Variants in CDH9 observed in about 807,000 individuals in gnomAD.
CDH9 encodes the protein cadherin 9, also known as cadherin-9.
In CDH9, 28 loss-of-function variants were observed where a neutral mutation model predicts 70.9. The observed-to-expected ratio is 0.40, with a 90% confidence interval of 0.29 to 0.54. The LOEUF is 0.54. CDH9 is among the 20% of genes least tolerant of loss of function. The pLI is 0.59. For synonymous variants in CDH9, 409 were observed against 343.1 expected (o/e 1.19, Z -2.12); for missense variants, 874 against 984.4 (o/e 0.89, Z 1.50).
At chr5:26,929,854 A>G (rs2112022426) in intron 2 of CDH9, among the ~76,000 whole-genome samples, 1 of 152,126 alleles carries the variant, frequency 6.6e-6, no homozygotes, top group East Asian at 1.9e-4. Flanking sequence ...GAAGTTTAGT[A>G]TCGAATGGGG....
intron 4 of CDH9, among the ~76,000 whole-genome samples, chr5:26,906,484 G>C (rs1312045442): frequency 6.6e-6 from 1 of 151,954 alleles, no homozygotes; most frequent in Non-Finnish European, 1.5e-5. Flanking sequence ...GTGAAATTTT[G>C]TATTTAGTGT....
chr5:26,970,630 A>G (rs1256141618), intron 2 of CDH9, among the ~76,000 whole-genome samples: 1 of 152,114 alleles, frequency 6.6e-6, no homozygotes, highest in African/African-American at 2.4e-5. Flanking sequence ...CAACAACTCC[A>G]AAGAAGTTTG....
chr5:27,028,967 A>T (rs906955309), intron 1 of CDH9, among the ~76,000 whole-genome samples: 1 of 151,990 alleles, frequency 6.6e-6, no homozygotes, highest in Admixed American at 6.6e-5. Flanking sequence ...CAACTAAAAG[A>T]TTACTTAAAT....
At chr5:27,029,929 A>G (rs1008269827) in intron 1 of CDH9, among the ~76,000 whole-genome samples, 1 of 151,990 alleles carries the variant, frequency 6.6e-6, no homozygotes, top group Non-Finnish European at 1.5e-5. Flanking sequence ...AAAGTTAGAT[A>G]CGTCAATTAT....
chr5:26,969,530 A>T (rs1742182455), intron 2 of CDH9, among the ~76,000 whole-genome samples: 1 of 152,144 alleles, frequency 6.6e-6, no homozygotes. Flanking sequence ...TCATGGAAAT[A>T]AGGCAAAATT....
In CDH9 at chr5:26,916,742, T is replaced by TTCAGAGAGACTAA. The variant is rs548490660; in HGVS notation, c.229-831_229-819dup. Among the ~76,000 whole-genome samples the TTCAGAGAGACTAA allele has an allele frequency of 2.8e-4, 43 of 150,932 alleles. No homozygotes were observed. The East Asian group carries it at 8.4e-3, about 29-fold the overall frequency. On this transcript the variant is annotated intron_variant, in intron 2 of 11. Coordinates refer to ENST00000231021, the MANE Select transcript of CDH9 (RefSeq NM_016279.4). Reference sequence around the variant, plus strand: ...TGATTGTAGATTCACGGGCTCTGTATTCAGAGAGACTAATCAGAGAGAGAA... The same window carrying TTCAGAGAGACTAA: ...TGATTGTAGATTCACGGGCTCTGTATTCAGAGAGACTAATCAGAGAGACTAATCAGAGAGAGAA...
chr5:26,990,176 T>C (rs1482276174), intron 1 of CDH9, among the ~76,000 whole-genome samples: 1 of 152,170 alleles, frequency 6.6e-6, no homozygotes, highest in African/African-American at 2.4e-5. Flanking sequence ...ATTGTCATCA[T>C]CAAGCATCGT....
chr5:26,944,007 A>G (rs1741705461), intron 2 of CDH9, among the ~76,000 whole-genome samples: 2 of 152,280 alleles, frequency 1.3e-5, no homozygotes, highest in South Asian at 2.1e-4. Flanking sequence ...CTAATTCACA[A>G]CAATTGCATT....
chr5:26,919,090 G>A (rs926495100), intron 2 of CDH9, among the ~76,000 whole-genome samples: 1 of 152,122 alleles, frequency 6.6e-6, no homozygotes, highest in African/African-American at 2.4e-5. Context: ...CCACAAAAAA[G>A]CTTTCATATG....
intron 2 of CDH9, among the ~76,000 whole-genome samples, chr5:26,981,155 C>A (rs984196581): frequency 2.0e-5 from 3 of 152,028 alleles, no homozygotes; most frequent in Non-Finnish European, 2.9e-5. Flanking sequence ...TTTGAGAATT[C>A]TCCCTCCAGT....
intron 1 of CDH9, among the ~76,000 whole-genome samples, chr5:27,007,335 A>G (rs1221364356): frequency 6.6e-6 from 1 of 152,064 alleles, no homozygotes; most frequent in Non-Finnish European, 1.5e-5. Context: ...GGAGGGGAGG[A>G]TGGCAATGGG....
At chr5:26,918,184 C>A (rs1456076722) in intron 2 of CDH9, among the ~76,000 whole-genome samples, 3 of 152,260 alleles carry the variant, frequency 2.0e-5, no homozygotes, top group Middle Eastern at 6.8e-3. Flanking sequence ...CCTGTTCTAG[C>A]TTTCAAGCCT....
At position 26,997,474 on chromosome 5, in the gene CDH9, A is replaced by G. The variant is rs545564198; in HGVS notation, c.-49-9092T>C. 4.6e-5 allele frequency among the ~76,000 whole-genome samples: 7 copies of G among 152,316 alleles called. No individual in the cohort carries two copies. The South Asian group carries it at 1.4e-3, about 32-fold the overall frequency. On this transcript the variant is annotated intron_variant, in intron 1 of 11. Coordinates refer to ENST00000231021, the MANE Select transcript of CDH9 (RefSeq NM_016279.4). ...TATTGAACTAATGCAGCTTTAGAATAAAACAACACAAAGAAAAAAACAGAA... is the reference window on the plus strand; with the variant it reads ...TATTGAACTAATGCAGCTTTAGAATGAAACAACACAAAGAAAAAAACAGAA...
intron 1 of CDH9, among the ~76,000 whole-genome samples, chr5:27,002,769 G>A (rs1328335102): frequency 3.3e-5 from 5 of 151,840 alleles, no homozygotes; most frequent in East Asian, 1.9e-4. Context: ...AGGGCCTGTC[G>A]TGGGGTTGGG....
Position 26,995,758 on chromosome 5 carries a change from C to G in CDH9, c.-49-7376G>C, listed in dbSNP as rs558203397. 2.0e-5 allele frequency among the ~76,000 whole-genome samples: 3 copies of G among 151,892 alleles called. No homozygotes were observed. The South Asian group carries it at 6.2e-4, about 31-fold the overall frequency. Reference sequence around the variant, plus strand: ...AAAGCTGATTACTAAGTTTTCTATGCCTAATTATTTGTCAGCATTAAATGC... The same window carrying G: ...AAAGCTGATTACTAAGTTTTCTATGGCTAATTATTTGTCAGCATTAAATGC... On this transcript the variant is annotated intron_variant, in intron 1 of 11. Transcript: ENST00000231021.
At chr5:26,898,296 C>T (rs1212191966) in intron 7 of CDH9, among the ~76,000 whole-genome samples, 1 of 152,146 alleles carries the variant, frequency 6.6e-6, no homozygotes, top group Non-Finnish European at 1.5e-5. Flanking sequence ...CCACCATTGA[C>T]TTTCTTCACA....
intron 2 of CDH9, among the ~76,000 whole-genome samples, chr5:26,983,530 A>C (rs558786705): frequency 6.6e-6 from 1 of 152,330 alleles, no homozygotes; most frequent in African/African-American, 2.4e-5. Context: ...GTGAGTTTTT[A>C]TAGAATTCAG....
At chr5:26,911,974 A>T (rs976899169) in intron 3 of CDH9, among the ~76,000 whole-genome samples, 3 of 152,124 alleles carry the variant, frequency 2.0e-5, no homozygotes, top group Admixed American at 1.3e-4. Context: ...AGAAACAAAT[A>T]CTTTAAGAAA....
At chr5:26,892,816 C>T (rs1349050998) in intron 7 of CDH9, among the ~76,000 whole-genome samples, 6 of 152,082 alleles carry the variant, frequency 3.9e-5, no homozygotes, top group African/African-American at 9.7e-5. Context: ...CTGCAAGCTC[C>T]GCCTTCCAGG....
Sources: gnomAD v4.1 joint callset for allele counts (sites outside exome capture counted in the v4.1 genomes callset) on GRCh38, gnomAD v4.1.1 for gene constraint, MANE v1.5 for transcripts, NCBI Gene and HGNC (gene_info 2026-07-23, HGNC 2026-07-21) for gene names.